CDH12: variants seen among roughly 807,000 people sequenced by gnomAD.
CDH12 encodes the protein cadherin 12.
CDH12 carries 41 observed loss-of-function variants against 74.1 expected under a neutral mutation model. That is an observed-to-expected ratio of 0.55 (90% CI 0.43 to 0.72). The LOEUF (loss-of-function observed/expected upper bound fraction) is 0.72, where lower values mean the gene tolerates loss of function less well. Ranked by LOEUF, CDH12 falls within the 30% of genes least tolerant of loss-of-function variation. The pLI, the probability that CDH12 is intolerant of heterozygous loss-of-function variation, is 0.00. For missense variants in CDH12, 945 were observed against 977.2 expected, an observed-to-expected ratio of 0.97 and a Z score of 0.44; for synonymous variants, 399 against 355.0, an observed-to-expected ratio of 1.12 and a Z score of -1.39.
intron 3 of CDH12, among the ~76,000 whole-genome samples, chr5:22,370,686 G>C (rs1223648594): frequency 6.6e-6 from 1 of 152,086 alleles, no homozygotes; most frequent in Non-Finnish European, 1.5e-5. Flanking sequence ...CAGAATCAAA[G>C]GAGAGATGAA....
intron 3 of CDH12, among the ~76,000 whole-genome samples, chr5:22,249,501 A>G (rs1456789295): frequency 6.6e-6 from 1 of 152,078 alleles, no homozygotes; most frequent in African/African-American, 2.4e-5. Context: ...ATCTGTGAGA[A>G]GAACATTTTG....
chr5:22,715,661 C>A (rs1048134171), intron 1 of CDH12, among the ~76,000 whole-genome samples: 1 of 151,568 alleles, frequency 6.6e-6, no homozygotes, highest in African/African-American at 2.4e-5. Context: ...ATTAGCCAGG[C>A]GTGGTGTCAG....
At chr5:22,668,922 C>G (rs958518646) in intron 1 of CDH12, among the ~76,000 whole-genome samples, 13 of 151,956 alleles carry the variant, frequency 8.6e-5, no homozygotes, top group Non-Finnish European at 1.6e-4. Context: ...TCTCTTCTCT[C>G]TCTCTCTCTC....
chr5:22,099,711 A>G (rs1744026575), intron 4 of CDH12, among the ~76,000 whole-genome samples: 1 of 152,166 alleles, frequency 6.6e-6, no homozygotes, highest in Non-Finnish European at 1.5e-5. Flanking sequence ...TGCTACCCCC[A>G]AACTGCCACT....
chr5:22,027,395 G>A (rs1461971391), intron 5 of CDH12, among the ~76,000 whole-genome samples: 1 of 152,146 alleles, frequency 6.6e-6, no homozygotes, highest in Non-Finnish European at 1.5e-5. Flanking sequence ...AATGGTACCA[G>A]TTCCTCCTTG....
chr5:22,656,347 A>T (rs899602567), intron 1 of CDH12, among the ~76,000 whole-genome samples: 4 of 152,226 alleles, frequency 2.6e-5, no homozygotes, highest in African/African-American at 7.2e-5. Flanking sequence ...CACTTTAAAA[A>T]TATGCAAAAG....
intron 8 of CDH12, among the ~76,000 whole-genome samples, chr5:21,823,870 T>C (rs577461605): frequency 1.4e-4 from 22 of 152,258 alleles, no homozygotes; most frequent in African/African-American, 5.1e-4. Flanking sequence ...TAAGATATGA[T>C]ACAAACTTTT....
intron 3 of CDH12, among the ~76,000 whole-genome samples, chr5:22,368,484 T>G (rs1235157474): frequency 6.6e-6 from 1 of 150,500 alleles, no homozygotes; most frequent in Admixed American, 6.6e-5. Flanking sequence ...TTTTTTTTTT[T>G]GCAGAGACAG....
intron 3 of CDH12, among the ~76,000 whole-genome samples, chr5:22,384,321 G>C (rs1008316227): frequency 6.6e-5 from 10 of 151,188 alleles, no homozygotes; most frequent in African/African-American, 2.4e-4. Flanking sequence ...TCAGGAGATT[G>C]AGACCATCCT....
chr5:22,853,326 T>C lies in CDH12; in HGVS notation c.-791A>G, dbSNP rs921439128. 1 of 152,226 alleles carries C rather than the reference T, an allele frequency of 6.6e-6. No individual in the cohort carries two copies. The highest frequency in any genetic ancestry group is 2.1e-4 in the South Asian group (1 of 4,814). 9.4% of individuals were successfully genotyped at this position (152,226 alleles called of 1,614,324 possible). ...CCCTCTCTGTGGCTCCCTCCACATT[T>C]ACCCTTCAGATCAATAATGCTCTCG... On this transcript the variant is annotated 5_prime_UTR_variant, in exon 1 of 15. Coordinates refer to ENST00000382254, the MANE Select transcript of CDH12 (RefSeq NM_004061.5).
chr5:22,584,761 T>C (rs1007629965), intron 1 of CDH12, among the ~76,000 whole-genome samples: 1 of 152,182 alleles, frequency 6.6e-6, no homozygotes, highest in Non-Finnish European at 1.5e-5. Context: ...TTATAGGCTC[T>C]TACTATCTAT....
At chr5:22,672,666 G>T (rs1407764714) in intron 1 of CDH12, among the ~76,000 whole-genome samples, 1 of 152,032 alleles carries the variant, frequency 6.6e-6, no homozygotes, top group African/African-American at 2.4e-5. Flanking sequence ...CCTAGTCTGT[G>T]GTATTTTGTT....
chr5:22,612,717 CTTA>C (rs1005185614), intron 1 of CDH12, among the ~76,000 whole-genome samples: 8 of 152,036 alleles, frequency 5.3e-5, no homozygotes, highest in African/African-American at 1.9e-4. Flanking sequence ...TCCACTACAT[CTTA>C]TTATCTAACT....
intron 1 of CDH12, among the ~76,000 whole-genome samples, chr5:22,660,307 T>G (rs558831470): frequency 6.6e-6 from 1 of 152,336 alleles, no homozygotes; most frequent in Admixed American, 6.5e-5. Context: ...CAGTTAGTTA[T>G]GACTATGCAT....
chr5:22,013,473 T>C (rs982466523), intron 5 of CDH12, among the ~76,000 whole-genome samples: 9 of 152,146 alleles, frequency 5.9e-5, no homozygotes, highest in African/African-American at 2.2e-4. Flanking sequence ...TGCATGCATA[T>C]TCTTAAATGC....
intron 2 of CDH12, among the ~76,000 whole-genome samples, chr5:22,486,878 A>G (rs952986871): frequency 6.6e-6 from 1 of 152,160 alleles, no homozygotes; most frequent in Non-Finnish European, 1.5e-5. Context: ...GGTGGTCATT[A>G]TCTCCAACTT....
At chr5:22,335,037 A>C (rs376505272) in intron 3 of CDH12, among the ~76,000 whole-genome samples, 3 of 152,324 alleles carry the variant, frequency 2.0e-5, no homozygotes, top group East Asian at 3.9e-4. Context: ...GAAAAGGAAA[A>C]AAATCAACAA....
chr5:21,755,526 G>C (rs1744332642), intron 14 of CDH12, 65 bp downstream of exon 14: 40 of 1,423,844 alleles, frequency 2.8e-5, no homozygotes. Flanking sequence ...AGATGGAGGA[G>C]AGAGAGGGGA....
intron 1 of CDH12, among the ~76,000 whole-genome samples, chr5:22,841,783 T>C (rs569667894): frequency 1.3e-5 from 2 of 152,294 alleles, no homozygotes; most frequent in Non-Finnish European, 2.9e-5. Flanking sequence ...ATAAACATTA[T>C]GTAAATTGTA....
Sources: gnomAD v4.1 joint callset for allele counts (sites outside exome capture counted in the v4.1 genomes callset) on GRCh38, gnomAD v4.1.1 for gene constraint, MANE v1.5 for transcripts, NCBI Gene and HGNC (gene_info 2026-07-23, HGNC 2026-07-21) for gene names.